The following ZNF443 variants were observed in gnomAD, a reference collection of about 807,000 sequenced individuals.
ZNF443 encodes Kruppel-type zinc finger (C2H2).
A neutral mutation model predicts 12.0 loss-of-function variants in ZNF443; 3 were observed. The observed-to-expected ratio is 0.25, with a 90% CI of 0.11 to 0.64. The LOEUF is 0.64. Ranked by LOEUF, ZNF443 falls within the 30% of genes least tolerant of loss-of-function variation. The pLI is 0.84. For missense variants in ZNF443, 770 were observed against 808.8 expected (o/e 0.95, Z 0.58); for synonymous variants, 225 against 265.9 (o/e 0.85, Z 1.50).
chr19:12,433,537 G>A (rs569650653), intron 1 of ZNF443, among the ~76,000 whole-genome samples: 2 of 152,306 alleles, frequency 1.3e-5, no homozygotes, highest in East Asian at 3.9e-4. Context: ...GTGCAAAAGG[G>A]AGTTACCATT....
At chr19:12,440,235 C>T (rs1345575934) in intron 1 of ZNF443, among the ~76,000 whole-genome samples, 6 of 73,754 alleles carry the variant, frequency 8.1e-5, no homozygotes, top group African/African-American at 1.7e-4. Context: ...GTGCCCTCAG[C>T]CCCGCTGCCT....
chr19:12,435,543 CAA>C (rs930360291), intron 1 of ZNF443, among the ~76,000 whole-genome samples: 2 of 69,318 alleles, frequency 2.9e-5, no homozygotes, highest in African/African-American at 1.5e-4. Flanking sequence ...CACATTTTCA[CAA>C]AAGACACCGG....
At chr19:12,438,905 A>C (rs17469514) in intron 1 of ZNF443, among the ~76,000 whole-genome samples, 60,586 of 152,100 alleles carry the variant, frequency 0.4, 13,820 homozygotes, top group Non-Finnish European at 0.51. Context: ...TAATCATAGG[A>C]TGTATTTCAC....
Position 12,431,935 on chromosome 19 carries a change from T to C in ZNF443, c.237A>G (p.Gln79=). Residue 79 remains glutamine (Q), a synonymous_variant, in exon 4 of 4, where the codon CAA becomes CAG. Coordinates refer to ENST00000301547, the MANE Select transcript of ZNF443 (RefSeq NM_005815.5). The part of the protein sequence containing the change: ...ERFVESKDGT[Q]CGETSSQIQD... Reference sequence around the variant, plus strand: ...GAATCTGGCTAGATGTTTCTCCACATTGAGTTCCATCTTTACTTTCAACAA... The same window carrying C: ...GAATCTGGCTAGATGTTTCTCCACACTGAGTTCCATCTTTACTTTCAACAA... 1.2e-6 allele frequency: 2 copies of C among 1,602,542 alleles called. No individual in the cohort carries two copies. The highest frequency in any genetic ancestry group is 1.1e-5 in the South Asian group (1 of 89,112).
chr19:12,439,512 G>C (rs1453263762), intron 1 of ZNF443, among the ~76,000 whole-genome samples: 2 of 152,044 alleles, frequency 1.3e-5, no homozygotes, highest in South Asian at 4.2e-4. Context: ...TTTGAGACAG[G>C]GTCGGCCTCT....
Position 12,431,795 on chromosome 19 carries a change from G to A in ZNF443, c.377C>T (p.Ala126Val). ...ATGATACTCATGTGGTTTGTGCCCAGCACCAACTCTGATGTAACAATTAAG... is the reference window on the plus strand; with the variant it reads ...ATGATACTCATGTGGTTTGTGCCCAACACCAACTCTGATGTAACAATTAAG... Reference protein sequence around the residue: ...SSLNCYIRVGAGHKPHEYHEC... With the variant: ...SSLNCYIRVGVGHKPHEYHEC... The change falls in exon 4 of 4, where the codon GCT becomes GTT. Residue 126 changes from alanine (A) to valine (V), a missense_variant. Transcript: ENST00000301547. The A allele has an allele frequency of 6.2e-7, 1 of 1,614,142 alleles. No homozygotes were observed. Among genetic ancestry groups the A allele is most frequent in the Non-Finnish European group, 8.5e-7 (1 of 1,180,006 alleles).
chr19:12,431,063 C>A lies in ZNF443; in HGVS notation c.1109G>T (p.Cys370Phe). 1 of 1,614,104 alleles carries A rather than the reference C, an allele frequency of 6.2e-7. No homozygotes were observed. Among genetic ancestry groups the A allele is most frequent in the South Asian group, 1.1e-5 (1 of 91,072 alleles). The change falls in exon 4 of 4, where the codon TGT becomes TTT. Residue 370 changes from cysteine to phenylalanine, a missense_variant. Transcript: ENST00000301547. The stretch of plus-strand genomic sequence containing the variant: ...ACTAGGACAATCAAAGCCTTTCCCA[C>A]ATATCTTACATTTATGAGGTCCATT... ...TGNGPHKCKICGKGFDCPSSL... is the reference protein window; with the variant it reads ...TGNGPHKCKIFGKGFDCPSSL...
chr19:12,431,670 G>A lies in ZNF443; in HGVS notation c.502C>T (p.Pro168Ser), dbSNP rs781175432. The A allele has an allele frequency of 1.2e-6, 2 of 1,614,120 alleles. No homozygotes were observed. Among genetic ancestry groups the A allele is most frequent in the Admixed American group, 1.7e-5 (1 of 60,014 alleles). Residue 168 changes from proline to serine, a missense_variant, in exon 4 of 4, where the codon CCA (proline) becomes TCA (serine). Coordinates refer to ENST00000301547, the MANE Select transcript of ZNF443 (RefSeq NM_005815.5). ...THERLHTGKK[P>S]YDCKECGKSF... ...TTCCCACATTCTTTACAATCATATG[G>A]TTTCTTTCCAGTGTGAAGCCTCTCA...
At chr19:12,439,722 G>T (rs953004730) in intron 1 of ZNF443, among the ~76,000 whole-genome samples, 1 of 151,926 alleles carries the variant, frequency 6.6e-6, no homozygotes, top group Non-Finnish European at 1.5e-5. Context: ...GGAACTACTG[G>T]GATCAAGCAA....
In ZNF443 at chr19:12,430,443, G is replaced by A. The variant is rs201995811; in HGVS notation, c.1729C>T (p.Arg577Ter). ...TCTCTCATGTGAATTCTTTCATGTCGTAGAAAGCAAGTGAGCCAAGAGAAT... is the reference window on the plus strand; with the variant it reads ...TCTCTCATGTGAATTCTTTCATGTCATAGAAAGCAAGTGAGCCAAGAGAAT... ...KAFSWLTCFL[R>*]HERIHMREKS... Residue 577 changes from arginine (R) to a stop codon, truncating the protein, a stop_gained, in exon 4 of 4, where the codon CGA becomes TGA. Coordinates refer to ENST00000301547, the MANE Select transcript of ZNF443 (RefSeq NM_005815.5). LOFTEE classifies it low-confidence loss of function (END_TRUNC). 1.4e-5 allele frequency: 23 copies of A among 1,604,946 alleles called. No homozygotes were observed. The highest frequency in any genetic ancestry group is 2.2e-5 in the South Asian group (2 of 89,118).
Position 12,431,748 on chromosome 19 carries a change from T to TTA in ZNF443, c.423_424insTA (p.Thr142Ter), listed in dbSNP as rs1181104789. 2.5e-6 allele frequency: 4 copies of TTA among 1,614,068 alleles called. No individual in the cohort carries two copies. In the Admixed American group the frequency reaches 6.7e-5, roughly 27 times the overall value. On this transcript the variant is annotated frameshift_variant, in exon 4 of 4. Transcript: ENST00000301547. LOFTEE classifies it low-confidence loss of function (END_TRUNC). ...AAGGCTTTCCCACGTTGTTTATGCG[T>TTA]ATCTGGCTTCTCTCCACATTCATGA...
At chr19:12,438,056 G>C (rs899204024) in intron 1 of ZNF443, among the ~76,000 whole-genome samples, 2 of 151,012 alleles carry the variant, frequency 1.3e-5, no homozygotes, top group African/African-American at 2.4e-5. Context: ...AGCTGAGATC[G>C]TGCCACTGCA....
Position 12,429,865 on chromosome 19 carries a change from A to G in ZNF443, c.*291T>C. 1.9e-6 allele frequency: 1 copy of G among 517,896 alleles called. No homozygotes were observed. The highest frequency in any genetic ancestry group is 1.9e-5 in the African/African-American group (1 of 52,788). 32.1% of individuals were successfully genotyped at this position (517,896 alleles called of 1,614,324 possible). A position where few individuals can be genotyped will look rare whatever the true frequency, so the allele number is the denominator to read the frequency against. On this transcript the variant is annotated 3_prime_UTR_variant, in exon 4 of 4. Transcript: ENST00000301547. The stretch of plus-strand genomic sequence containing the variant: ...ACTATTTGCATAGCTTTTATAATGC[A>G]TGAGGTATTTTAAGTAATCTAGACA...
At chr19:12,433,505 C>T (rs529789958) in intron 1 of ZNF443, among the ~76,000 whole-genome samples, 2 of 152,274 alleles carry the variant, frequency 1.3e-5, no homozygotes, top group East Asian at 1.9e-4. Flanking sequence ...GTCCTTGGCA[C>T]GATAAAGTCC....
chr19:12,430,475 C>G lies in ZNF443; in HGVS notation c.1697G>C (p.Gly566Ala). The change falls in exon 4 of 4, where the codon GGG (glycine) becomes GCG (alanine). Residue 566 changes from glycine to alanine, a missense_variant. Physicochemically the swap from Gly to Ala is moderately conservative, Grantham distance 60. Coordinates refer to ENST00000301547, the MANE Select transcript of ZNF443 (RefSeq NM_005815.5). ...GEKPYECKEC[G>A]KAFSWLTCFL... The stretch of plus-strand genomic sequence containing the variant: ...GCAAGTGAGCCAAGAGAATGCTTTC[C>G]CACATTCCTTACATTCATACGGCTT... 6.2e-7 allele frequency: 1 copy of G among 1,614,110 alleles called. No homozygotes were observed. The highest frequency in any genetic ancestry group is 8.5e-7 in the Non-Finnish European group (1 of 1,179,992).
intron 1 of ZNF443, among the ~76,000 whole-genome samples, chr19:12,439,002 G>T (rs751816287): frequency 6.6e-6 from 1 of 152,178 alleles, no homozygotes; most frequent in African/African-American, 2.4e-5. Flanking sequence ...CTGGAACACA[G>T]AAAAGTCTAA....
Position 12,440,928 on chromosome 19 carries a change from C to A in ZNF443, c.-14G>T. Reference sequence around the variant, plus strand: ...CACACGCACCATTTCCCGACTTCCGCGGTGTCCCAGGTCCTACCGACAGCT... The same window carrying A: ...CACACGCACCATTTCCCGACTTCCGAGGTGTCCCAGGTCCTACCGACAGCT... On this transcript the variant is annotated 5_prime_UTR_variant, in exon 1 of 4. Coordinates refer to ENST00000301547, the MANE Select transcript of ZNF443 (RefSeq NM_005815.5). The A allele has an allele frequency of 6.2e-7, 1 of 1,614,122 alleles. No individual in the cohort carries two copies. The highest frequency in any genetic ancestry group is 8.5e-7 in the Non-Finnish European group (1 of 1,179,990).
At chr19:12,437,373 A>C (rs949576535) in intron 1 of ZNF443, among the ~76,000 whole-genome samples, 2 of 150,832 alleles carry the variant, frequency 1.3e-5, no homozygotes, top group Admixed American at 1.3e-4. Context: ...GCTCCACTGC[A>C]CTCTAGCCTA....
chr19:12,438,100 A>C (rs75267785), intron 1 of ZNF443, among the ~76,000 whole-genome samples: 1 of 138,014 alleles, frequency 7.2e-6, no homozygotes. Flanking sequence ...CTGTCTCAAA[A>C]AAAAAAAAAA....
Sources: gnomAD v4.1 joint callset for allele counts (sites outside exome capture counted in the v4.1 genomes callset) on GRCh38, gnomAD v4.1.1 for gene constraint, MANE v1.5 for transcripts, NCBI Gene and HGNC (gene_info 2026-07-23, HGNC 2026-07-21) for gene names.